TPO: variants seen among roughly 807,000 people sequenced by gnomAD.
TPO encodes thyroid peroxidase.
Under a neutral mutation model 96.9 loss-of-function variants are expected in TPO, and 78 were observed. That is an observed-to-expected ratio of 0.81 (90% confidence interval 0.67 to 0.97). The LOEUF is 0.97. TPO is among the 50% of genes least tolerant of loss of function. The pLI is 0.00. For synonymous variants in TPO, 547 were observed against 538.0 expected (o/e 1.02, Z -0.23); for missense variants, 1,252 against 1,274.8 (o/e 0.98, Z 0.27).
chr2:1,522,856 CAACCTCCTCAAATCCCACCACTGTGTGA>C (rs1472894922), intron 15 of TPO, among the ~76,000 whole-genome samples: 8 of 111,036 alleles, frequency 7.2e-5, no homozygotes, highest in African/African-American at 2.4e-4. Flanking sequence ...CCACTGGGTG[CAACCTCCTCAAATCCCACCACTGTGTGA>C]AACCTCCTCA....
At chr2:1,445,659 A>C (rs1200837304) in intron 5 of TPO, among the ~76,000 whole-genome samples, 1 of 137,198 alleles carries the variant, frequency 7.3e-6, no homozygotes, top group Non-Finnish European at 1.5e-5. Flanking sequence ...TGTATGATCC[A>C]GTCATTGCTG....
chr2:1,443,004 G>C (rs146892345), intron 5 of TPO, among the ~76,000 whole-genome samples: 1 of 152,236 alleles, frequency 6.6e-6, no homozygotes. Flanking sequence ...CGGAGGCTGA[G>C]GTCGGGGGAT....
intron 1 of TPO, among the ~76,000 whole-genome samples, chr2:1,376,214 G>A (rs924073681): frequency 3.3e-5 from 5 of 152,116 alleles, no homozygotes; most frequent in African/African-American, 1.2e-4. Flanking sequence ...CAGGAACCAG[G>A]GCCATGCAAA....
intron 15 of TPO, among the ~76,000 whole-genome samples, chr2:1,520,644 C>A (rs576138241): frequency 8.4e-4 from 128 of 152,364 alleles, no homozygotes; most frequent in African/African-American, 3.0e-3. Flanking sequence ...GAAACCAACT[C>A]CTCCATCAAC....
intron 15 of TPO, among the ~76,000 whole-genome samples, chr2:1,537,491 AG>A (rs1680057437): frequency 1.9e-3 from 102 of 54,624 alleles, no homozygotes; most frequent in Non-Finnish European, 2.8e-3. Flanking sequence ...CACTCTGTGC[AG>A]CCTCCCCAAA....
chr2:1,489,717 G>A (rs1002364015), intron 10 of TPO, among the ~76,000 whole-genome samples: 8 of 152,132 alleles, frequency 5.3e-5, no homozygotes, highest in African/African-American at 1.9e-4. Context: ...AGGACAGAAG[G>A]GCCTAGCGGG....
At chr2:1,402,509 A>T (rs772399957) in intron 1 of TPO, among the ~76,000 whole-genome samples, 19 of 152,174 alleles carry the variant, frequency 1.2e-4, no homozygotes, top group Non-Finnish European at 2.4e-4. Flanking sequence ...CGTGCTACTG[A>T]TAAAGACATA....
At chr2:1,498,053 AGTGTGCTCAATGC>A (rs1672532082) in intron 13 of TPO, among the ~76,000 whole-genome samples, 1 of 151,588 alleles carries the variant, frequency 6.6e-6, no homozygotes, top group African/African-American at 2.4e-5. Flanking sequence ...GCACAAGGTC[AGTGTGCTCAATGC>A]CAGTGAACTG....
chr2:1,474,589 C>T (rs1669726059), intron 7 of TPO, among the ~76,000 whole-genome samples: 1 of 152,198 alleles, frequency 6.6e-6, no homozygotes, highest in South Asian at 2.1e-4. Context: ...TTCTGATCAC[C>T]TTGTCTATCT....
chr2:1,535,826 C>A lies in TPO; in HGVS notation c.2619-4768C>A, dbSNP rs190331286. 4.6e-3 allele frequency among the ~76,000 whole-genome samples: 419 copies of A among 90,558 alleles called. 74 individuals carry two copies. The highest frequency in any genetic ancestry group is 0.013 in the Middle Eastern group (2 of 150). 59.4% of individuals were successfully genotyped at this position (90,558 alleles called of 152,430 possible). A position where few individuals can be genotyped will look rare whatever the true frequency, so the allele number is the denominator to read the frequency against. On this transcript the variant is annotated intron_variant, in intron 15 of 16. Transcript: ENST00000329066. ...TCCCTCCCACTGTGTGCAACCTGCT[C>A]AAATCCCCAAACTGTGTGCAACCTC...
chr2:1,514,147 G>A, intron 14 of TPO, among the ~76,000 whole-genome samples: 1 of 152,184 alleles, frequency 6.6e-6, no homozygotes, highest in East Asian at 1.9e-4. Flanking sequence ...GGCAGGTGAA[G>A]CTGCAATGAG....
At chr2:1,505,604 G>T (rs539779214) in intron 14 of TPO, among the ~76,000 whole-genome samples, 66 of 149,584 alleles carry the variant, frequency 4.4e-4, no homozygotes, top group Non-Finnish European at 7.4e-4. Flanking sequence ...TGTTGTTGTT[G>T]TTTGTTTTTA....
At chr2:1,497,031 G>A (rs1018896946) in intron 13 of TPO, among the ~76,000 whole-genome samples, 5 of 152,132 alleles carry the variant, frequency 3.3e-5, no homozygotes, top group African/African-American at 9.7e-5. Context: ...AGGGGAGTCC[G>A]TGAGTTCCAG....
Position 1,436,343 on chromosome 2 carries a change from G to A in TPO, c.441G>A (p.Leu147=), listed in dbSNP as rs752379516. The A allele has an allele frequency of 6.2e-7, 1 of 1,614,154 alleles. No homozygotes were observed. Among genetic ancestry groups the A allele is most frequent in the South Asian group, 1.1e-5 (1 of 91,082 alleles). Residue 147 remains leucine (L), a synonymous_variant, in exon 5 of 17, where the codon CTG becomes CTA. Transcript: ENST00000329066. ...CCCCAAAATGCCCAAACACTTGCCTGGCGAACAAATACAGGCCCATCACAG... is the reference window on the plus strand; with the variant it reads ...CCCCAAAATGCCCAAACACTTGCCTAGCGAACAAATACAGGCCCATCACAG... The part of the protein sequence containing the change: ...MLPPKCPNTC[L]ANKYRPITGA...
intron 6 of TPO, among the ~76,000 whole-genome samples, chr2:1,454,138 G>C (rs1667569713): frequency 6.6e-6 from 1 of 151,608 alleles, no homozygotes; most frequent in South Asian, 2.1e-4. Context: ...TGTGGGCTAG[G>C]TACATCCCAA....
chr2:1,530,909 TC>T (rs200639215), intron 15 of TPO, among the ~76,000 whole-genome samples: 293 of 27,468 alleles, frequency 0.011, 9 homozygotes, highest in African/African-American at 0.046. Context: ...CCTCCCCAAA[TC>T]CCCCCCACTC....
At chr2:1,400,207 A>T (rs1344529939) in intron 1 of TPO, among the ~76,000 whole-genome samples, 7 of 152,184 alleles carry the variant, frequency 4.6e-5, no homozygotes, top group Non-Finnish European at 1.0e-4. Flanking sequence ...GAAAACCAAA[A>T]ATAGGCCAGC....
intron 6 of TPO, among the ~76,000 whole-genome samples, chr2:1,455,329 C>T (rs1349912275): frequency 6.6e-6 from 1 of 152,190 alleles, no homozygotes; most frequent in African/African-American, 2.4e-5. Context: ...CTCAAAGATT[C>T]ATATCCAGTC....
intron 1 of TPO, among the ~76,000 whole-genome samples, chr2:1,376,171 G>T (rs1337399192): frequency 1.3e-5 from 2 of 152,110 alleles, no homozygotes; most frequent in African/African-American, 2.4e-5. Context: ...GAGCTAATGG[G>T]TATAAAACCC....
Sources: gnomAD v4.1 joint callset for allele counts (sites outside exome capture counted in the v4.1 genomes callset) on GRCh38, gnomAD v4.1.1 for gene constraint, MANE v1.5 for transcripts, NCBI Gene and HGNC (gene_info 2026-07-23, HGNC 2026-07-21) for gene names.